Variants in ATG2A observed in about 807,000 individuals in gnomAD.
ATG2A encodes autophagy-related protein 2 homolog A.
ATG2A carries 103 observed loss-of-function variants against 214.2 expected under a neutral mutation model. The observed-to-expected ratio is 0.48, with a 90% CI of 0.41 to 0.57. The LOEUF (loss-of-function observed/expected upper bound fraction) is 0.57. Ranked by LOEUF, ATG2A falls within the 20% of genes least tolerant of loss-of-function variation. ATG2A has a pLI of 0.00. For missense variants in ATG2A, 2,312 were observed against 2,613.2 expected, an observed-to-expected ratio of 0.88 and a Z score of 2.51; for synonymous variants, 1,160 against 1,142.1, an observed-to-expected ratio of 1.02 and a Z score of -0.32.
intron 22 of ATG2A, 127 bp from the exon 23 acceptor site, chr11:64,905,975 G>T: frequency 7.3e-7 from 1 of 1,372,672 alleles, no homozygotes; most frequent in Non-Finnish European, 1.0e-6. Flanking sequence ...CACACCCCTT[G>T]CCCAGGAGCT....
At chr11:64,900,659 T>C in intron 30 of ATG2A, 30 bp from the exon 31 acceptor site, 1 of 1,566,712 alleles carries the variant, frequency 6.4e-7, no homozygotes, top group South Asian at 1.2e-5. Flanking sequence ...CCAAGCTGAC[T>C]CAGAGGAACC....
chr11:64,908,154 A>G (rs908851901), intron 16 of ATG2A, among the ~76,000 whole-genome samples: 1 of 152,176 alleles, frequency 6.6e-6, no homozygotes, highest in African/African-American at 2.4e-5. Flanking sequence ...GCGGTGGCTC[A>G]CGCCTGTAAT....
chr11:64,901,092 G>A lies in ATG2A; in HGVS notation c.4120C>T (p.Pro1374Ser), dbSNP rs867198564. 1 of 1,559,368 alleles carries A rather than the reference G, an allele frequency of 6.4e-7. No homozygotes were observed. The highest frequency in any genetic ancestry group is 1.2e-5 in the South Asian group (1 of 84,682). Residue 1374 changes from proline (P) to serine (S), a missense_variant and splice_region_variant, in exon 30 of 41, where the codon CCC becomes TCC. By Grantham distance (74) the Pro-to-Ser change is moderately conservative. Transcript: ENST00000377264. ...ILDAPGLGIP[P>S]RDGEPVVTQL... ...GTCACCACAGGCTCCCCATCTCGGG[G>A]CTGCAGGGAGGCCAGGTAGACGTGT...
At position 64,902,700 on chromosome 11, in the gene ATG2A, G is replaced by A; in HGVS notation, c.3613-20C>T. ...CTGGCTCTGCAGGGGCGGGGTGGGG[G>A]GAGCAGCTATGTGAACACAGGGGCC... is the stretch of plus-strand genomic sequence containing the variant. On this transcript the variant is annotated intron_variant, in intron 26 of 40. Coordinates refer to ENST00000377264, the MANE Select transcript of ATG2A (RefSeq NM_015104.3). 1.9e-6 allele frequency: 3 copies of A among 1,601,358 alleles called. No individual in the cohort carries two copies. The highest frequency in any genetic ancestry group is 2.6e-6 in the Non-Finnish European group (3 of 1,173,562).
chr11:64,910,563 G>C, intron 12 of ATG2A, 53 bp downstream of exon 12: 1 of 1,545,868 alleles, frequency 6.5e-7, no homozygotes, highest in Non-Finnish European at 8.7e-7. Context: ...AGAGGCCAGG[G>C]TGGGGTCAAC....
rs1020704225 is a variant in ATG2A at position 64,897,895 on chromosome 11, C to T, written c.4938G>A (p.Glu1646=). The T allele has an allele frequency of 2.6e-6, 4 of 1,568,032 alleles. No individual in the cohort carries two copies. The highest frequency in any genetic ancestry group is 3.5e-6 in the Non-Finnish European group (4 of 1,156,468). ...AGGGGCTGTGTCCACCTCCTGGGGC[C>T]TCCTGCGAACCAGTGGTCTCTACGC... ...AEGVETTGSQ[E]APGGGHSPSP... is the part of the protein sequence containing the mutation. Residue 1646 remains glutamate (E), a synonymous_variant, in exon 35 of 41, where the codon GAG becomes GAA. Coordinates refer to ENST00000377264, the MANE Select transcript of ATG2A (RefSeq NM_015104.3).
rs752678054 is a variant in ATG2A at position 64,903,378 on chromosome 11, G to T, written c.3536-14C>A. 11 of 1,613,848 alleles carry T rather than the reference G, an allele frequency of 6.8e-6. No homozygotes were observed. The highest frequency in any genetic ancestry group is 8.5e-7 in the Non-Finnish European group (1 of 1,179,832). On this transcript the variant is annotated splice_polypyrimidine_tract_variant and intron_variant, in intron 25 of 40. Transcript: ENST00000377264. The surrounding 1 kb of genome is among the most constrained non-coding windows in gnomAD (Gnocchi z 4.2). ...CACAGACATAATCTGCAGCAGAGGC[G>T]AGAGAAAGGTCCTGTGGCCCCCTTC...
intron 31 of ATG2A, among the ~76,000 whole-genome samples, chr11:64,899,175 G>A (rs1279698082): frequency 1.3e-5 from 2 of 152,154 alleles, no homozygotes; most frequent in Non-Finnish European, 2.9e-5. Context: ...AAAGTGCTGG[G>A]ACTACAGGCA....
chr11:64,896,323 G>A (rs1944148656), intron 39 of ATG2A, 139 bp downstream of exon 39: 1 of 1,289,432 alleles, frequency 7.8e-7, no homozygotes, highest in Non-Finnish European at 1.0e-6. Context: ...GCCTCTCCGT[G>A]GCTGTTTCTC....
Position 64,903,577 on chromosome 11 carries a change from C to T in ATG2A, c.3535+13G>A, listed in dbSNP as rs748309347. ...CCTCAGAGGGGAGGGAGCCCAGTCC[C>T]GGCCCTGCCCACCTCGCCGCAGGTC... is the stretch of plus-strand genomic sequence containing the variant. On this transcript the variant is annotated intron_variant, in intron 25 of 40. Transcript: ENST00000377264. The surrounding 1 kb of genome is among the most constrained non-coding windows in gnomAD (Gnocchi z 4.2). 9.5e-5 allele frequency: 147 copies of T among 1,543,318 alleles called. No homozygotes were observed. Among genetic ancestry groups the T allele is most frequent in the Admixed American group, 1.2e-4 (6 of 50,674 alleles).
At position 64,894,754 on chromosome 11, in the gene ATG2A, T is replaced by C. The variant is rs1387894168; in HGVS notation, c.*219A>G. 1.1e-5 allele frequency: 8 copies of C among 718,112 alleles called. No homozygotes were observed. Among genetic ancestry groups the C allele is most frequent in the Non-Finnish European group, 2.0e-5 (8 of 399,238 alleles). 44.5% of individuals were successfully genotyped at this position (718,112 alleles called of 1,614,324 possible). ...TGGGCCCAGGTCGGGGGAGGGGCAG[T>C]GTCCTTTCTCCCCGGAGGAAAAGTG... is the stretch of plus-strand genomic sequence containing the variant. On this transcript the variant is annotated 3_prime_UTR_variant, in exon 41 of 41. Transcript: ENST00000377264.
intron 24 of ATG2A, among the ~76,000 whole-genome samples, chr11:64,904,819 TCTATCTATCTATCTATCTATCTA>T (rs1158343758): frequency 3.0e-5 from 2 of 66,624 alleles, no homozygotes; most frequent in African/African-American, 7.3e-5. Flanking sequence ...ATATTTTTTA[TCTATCTATCTATCTATCTATCTA>T]TCTATCTATC....
chr11:64,911,424 C>G, intron 9 of ATG2A, 149 bp from the exon 10 acceptor site: 1 of 782,588 alleles, frequency 1.3e-6, no homozygotes, highest in Non-Finnish European at 2.0e-6. Flanking sequence ...AGGGGTGACA[C>G]TGGTGCCTCC....
intron 6 of ATG2A, chr11:64,912,660 C>CT: frequency 2.0e-6 from 1 of 507,234 alleles, no homozygotes; most frequent in South Asian, 2.5e-5. Flanking sequence ...GTGGTGCAAT[C>CT]TTGGCTCACT....
In ATG2A at chr11:64,903,146, AG is replaced by A. The variant is rs1944418173; in HGVS notation, c.3612+141del. On this transcript the variant is annotated intron_variant, in intron 26 of 40. Transcript: ENST00000377264. The surrounding 1 kb of genome is among the most constrained non-coding windows in gnomAD (Gnocchi z 4.2). ...GGGCTGTACTATGGCCCTTTGCAGGAGGGGCGCTAACTGCAGCCCAGGAAGG... is the reference window on the plus strand; with the variant it reads ...GGGCTGTACTATGGCCCTTTGCAGGAGGGCGCTAACTGCAGCCCAGGAAGG... The A allele has an allele frequency of 2.7e-6, 2 of 729,538 alleles. No individual in the cohort carries two copies. The highest frequency in any genetic ancestry group is 4.4e-5 in the Admixed American group (2 of 45,062). The allele number at this position is 729,538 out of a possible 1,614,324, so 45.2% of individuals were successfully genotyped here.
chr11:64,897,924 C>T lies in ATG2A; in HGVS notation c.4909G>A (p.Glu1637Lys), dbSNP rs1475709448. The T allele has an allele frequency of 1.5e-5, 23 of 1,551,408 alleles. No homozygotes were observed. The highest frequency in any genetic ancestry group is 2.5e-5 in the South Asian group (2 of 80,312). ...QPSSPLEGQA[E>K]GVETTGSQEA... Reference sequence around the variant, plus strand: ...TGCGAACCAGTGGTCTCTACGCCTTCGGCCTGCCCTTCCAGGGGGCTGCTG... The same window carrying T: ...TGCGAACCAGTGGTCTCTACGCCTTTGGCCTGCCCTTCCAGGGGGCTGCTG... The change falls in exon 35 of 41, where the codon GAA becomes AAA. Residue 1637 changes from glutamate to lysine, a missense_variant. Physicochemically the swap from Glu to Lys is moderately conservative, Grantham distance 56. Transcript: ENST00000377264.
In ATG2A at chr11:64,909,290, G is replaced by A. The variant is rs763071907; in HGVS notation, c.2185C>T (p.Arg729Cys). The A allele has an allele frequency of 3.1e-6, 5 of 1,613,690 alleles. No individual in the cohort carries two copies. The highest frequency in any genetic ancestry group is 1.1e-5 in the South Asian group (1 of 91,082). ...SKALDPKSTGRKYFLPQVVVT... is the reference protein window; with the variant it reads ...SKALDPKSTGCKYFLPQVVVT... Reference sequence around the variant, plus strand: ...ACTTACTGGGGCAGGAAGTACTTGCGCCCAGTGCTCTTGGGGTCCAGGGCT... The same window carrying A: ...ACTTACTGGGGCAGGAAGTACTTGCACCCAGTGCTCTTGGGGTCCAGGGCT... The change falls in exon 15 of 41, where the codon CGC becomes TGC. Residue 729 changes from arginine (R) to cysteine (C), a missense_variant. Arg to Cys is a radical substitution (Grantham distance 180, BLOSUM62 -3). Transcript: ENST00000377264.
chr11:64,908,012 C>G, intron 16 of ATG2A, 122 bp from the exon 17 acceptor site: 1 of 1,193,612 alleles, frequency 8.4e-7, no homozygotes, highest in Non-Finnish European at 1.2e-6. Context: ...GAGCCCTTCT[C>G]TACTGGGGAT....
In ATG2A at chr11:64,898,057, A is replaced by C; in HGVS notation, c.4858+29T>G. The C allele has an allele frequency of 6.2e-7, 1 of 1,612,292 alleles. No individual in the cohort carries two copies. The highest frequency in any genetic ancestry group is 8.5e-7 in the Non-Finnish European group (1 of 1,179,416). The stretch of plus-strand genomic sequence containing the variant: ...CTGTCCTGGGAGGCAGAAGGCCCAG[A>C]CGCTCCCCTCCCTGGCCCAGCCTCT... On this transcript the variant is annotated intron_variant, in intron 34 of 40. Transcript: ENST00000377264. The surrounding 1 kb of genome is among the most constrained non-coding windows in gnomAD (Gnocchi z 4.5).
Sources: allele counts gnomAD v4.1 joint callset (sites outside exome capture counted in the v4.1 genomes callset), GRCh38; gene constraint gnomAD v4.1.1; non-coding constraint Gnocchi (gnomAD v3.1); transcripts MANE v1.5; gene names NCBI Gene and HGNC (gene_info 2026-07-23, HGNC 2026-07-21).